SBF2: variants seen among roughly 807,000 people sequenced by gnomAD.
The protein encoded by SBF2 is SET binding factor 2, also known as myotubularin-related protein 13.
SBF2 carries 112 observed loss-of-function variants against 225.2 expected under a neutral mutation model. That is an observed-to-expected ratio of 0.50 (90% CI 0.43 to 0.58). The LOEUF (loss-of-function observed/expected upper bound fraction) is 0.58, where lower values mean the gene tolerates loss of function less well. Ranked by LOEUF, SBF2 falls within the 20% of genes least tolerant of loss-of-function variation. SBF2 has a pLI of 0.00. For synonymous variants in SBF2, 763 were observed against 773.3 expected (o/e 0.99, Z 0.22); for missense variants, 1,996 against 2,206.2 (o/e 0.90, Z 1.91).
chr11:10,198,990 T>G (rs955600093), intron 1 of SBF2, among the ~76,000 whole-genome samples: 2 of 152,234 alleles, frequency 1.3e-5, no homozygotes, highest in Non-Finnish European at 2.9e-5. Flanking sequence ...TGTCTCATTT[T>G]CTTATTATCT....
intron 16 of SBF2, among the ~76,000 whole-genome samples, chr11:9,953,183 T>C (rs1357969220): frequency 6.6e-6 from 1 of 152,208 alleles, no homozygotes; most frequent in East Asian, 1.9e-4. Context: ...CAGTGGCTTA[T>C]GCCTGTAATC....
rs1949241223 is a variant in SBF2, at chr11:10,031,162, C to T, written c.288G>A (p.Lys96=). 6.2e-7 allele frequency: 1 copy of T among 1,613,364 alleles called. No individual in the cohort carries two copies. Among genetic ancestry groups the T allele is most frequent in the African/African-American group, 1.3e-5 (1 of 75,024 alleles). The change falls in exon 4 of 40, where the codon AAG becomes AAA. Residue 96 remains lysine, a synonymous_variant. Transcript: ENST00000256190. ...YEAEINLQGT[K]KEEIEGEAKV... Reference sequence around the variant, plus strand: ...TTGCTTCACCTTCAATCTCTTCCTTCTTTGTTCCCTAGAAAAAGAGACACT... The same window carrying T: ...TTGCTTCACCTTCAATCTCTTCCTTTTTTGTTCCCTAGAAAAAGAGACACT...
At chr11:10,074,990 T>C (rs1346493658) in intron 2 of SBF2, among the ~76,000 whole-genome samples, 1 of 152,234 alleles carries the variant, frequency 6.6e-6, no homozygotes, top group East Asian at 1.9e-4. Flanking sequence ...CGTGTTAACA[T>C]TTAAAGCTGT....
chr11:9,868,053 T>G (rs1003612197), intron 17 of SBF2, among the ~76,000 whole-genome samples: 1 of 152,172 alleles, frequency 6.6e-6, no homozygotes, highest in Non-Finnish European at 1.5e-5. Context: ...GTGATGGATA[T>G]TCTAATTACC....
chr11:10,073,732 CAAA>C (rs200410252), intron 2 of SBF2, among the ~76,000 whole-genome samples: 1 of 149,714 alleles, frequency 6.7e-6, no homozygotes, highest in East Asian at 1.9e-4. Flanking sequence ...CTCAAAAAAA[CAAA>C]AAAAAAGATT....
At chr11:10,289,926 G>A (rs74794749) in intron 1 of SBF2, among the ~76,000 whole-genome samples, 41,122 of 152,072 alleles carry the variant, frequency 0.27, 6,361 homozygotes, top group Non-Finnish European at 0.35. Context: ...GCACAAGGGC[G>A]GGGGCAGTAC....
chr11:10,224,093 T>C (rs1258814155), intron 1 of SBF2, among the ~76,000 whole-genome samples: 7 of 152,190 alleles, frequency 4.6e-5, no homozygotes, highest in Non-Finnish European at 1.5e-5. Context: ...TAAGATAGAC[T>C]AGTATCTACT....
chr11:9,925,624 C>T (rs1453093949), intron 16 of SBF2, among the ~76,000 whole-genome samples: 1 of 152,156 alleles, frequency 6.6e-6, no homozygotes, highest in Non-Finnish European at 1.5e-5. Context: ...CCTCAAAAGC[C>T]AATGTATATG....
At chr11:9,865,813 C>T (rs556709833) in intron 17 of SBF2, among the ~76,000 whole-genome samples, 3 of 151,216 alleles carry the variant, frequency 2.0e-5, no homozygotes, top group African/African-American at 2.4e-5. Context: ...GGGATTTGAA[C>T]CCAGCCAGTT....
At chr11:9,793,033 C>A (rs117223894) in intron 33 of SBF2, among the ~76,000 whole-genome samples, 3,049 of 151,422 alleles carry the variant, frequency 0.02, 51 homozygotes, top group Middle Eastern at 0.034. Context: ...CCACCTCAGC[C>A]TCTCAAAGTG....
chr11:10,038,941 A>G (rs538466915), intron 3 of SBF2, among the ~76,000 whole-genome samples: 1 of 151,922 alleles, frequency 6.6e-6, no homozygotes, highest in African/African-American at 2.4e-5. Context: ...ATAAAAGTCA[A>G]TGTAAATCTA....
intron 1 of SBF2, among the ~76,000 whole-genome samples, chr11:10,260,540 C>T (rs1378330676): frequency 6.6e-6 from 1 of 151,938 alleles, no homozygotes; most frequent in African/African-American, 2.4e-5. Context: ...CAGGATGAAA[C>T]CCCCTCTCTA....
intron 10 of SBF2, 123 bp from the exon 11 acceptor site, chr11:9,993,226 T>C: frequency 2.9e-6 from 2 of 697,956 alleles, no homozygotes; most frequent in Non-Finnish European, 2.5e-6. Context: ...CCAAAACAAT[T>C]ACAGTCACAA....
intron 16 of SBF2, among the ~76,000 whole-genome samples, chr11:9,932,939 T>C (rs1468609860): frequency 1.0e-5 from 1 of 100,136 alleles, no homozygotes; most frequent in Non-Finnish European, 1.8e-5. Context: ...GAGGGAGATC[T>C]ACCAAGCAAA....
intron 7 of SBF2, 97 bp downstream of exon 7, chr11:10,002,460 A>C (rs1353871015): frequency 1.0e-6 from 1 of 963,740 alleles, no homozygotes. Flanking sequence ...AAATATCCCT[A>C]TGTGGTTCAA....
intron 2 of SBF2, among the ~76,000 whole-genome samples, chr11:10,111,415 T>C (rs1952835435): frequency 6.6e-6 from 1 of 152,210 alleles, no homozygotes; most frequent in Non-Finnish European, 1.5e-5. Flanking sequence ...ACTCAAATCA[T>C]AGCAACAGTA....
At chr11:10,226,196 T>C (rs550964342) in intron 1 of SBF2, among the ~76,000 whole-genome samples, 1 of 152,296 alleles carries the variant, frequency 6.6e-6, no homozygotes, top group African/African-American at 2.4e-5. Context: ...AAAGTAGCAT[T>C]TATCTTTATT....
intron 17 of SBF2, among the ~76,000 whole-genome samples, chr11:9,870,608 A>G (rs1858642192): frequency 6.6e-6 from 1 of 152,208 alleles, no homozygotes; most frequent in Non-Finnish European, 1.5e-5. Flanking sequence ...TGGGGAAGGG[A>G]TTTCCAATTA....
chr11:9,844,922 A>G (rs1590206803), intron 24 of SBF2, among the ~76,000 whole-genome samples: 1 of 152,318 alleles, frequency 6.6e-6, no homozygotes, highest in East Asian at 1.9e-4. Flanking sequence ...AAATTTAAAA[A>G]ACAAAATAAA....
Sources: gnomAD v4.1 joint callset for allele counts (sites outside exome capture counted in the v4.1 genomes callset) on GRCh38, gnomAD v4.1.1 for gene constraint, MANE v1.5 for transcripts, NCBI Gene and HGNC (gene_info 2026-07-23, HGNC 2026-07-21) for gene names.